Variants in SP3 observed in about 807,000 individuals in gnomAD.
SP3 encodes the protein Sp3 transcription factor, also known as transcription factor Sp3.
A neutral mutation model predicts 70.3 loss-of-function variants in SP3; 10 were observed. That is an observed-to-expected ratio of 0.14 (90% CI 0.09 to 0.24). The LOEUF is 0.24. Ranked by LOEUF, SP3 falls within the 10% of genes least tolerant of loss-of-function variation. The pLI is 1.00. For missense variants in SP3, 825 were observed against 914.6 expected (o/e 0.90, Z 1.26); for synonymous variants, 402 against 333.5 (o/e 1.21, Z -2.24).
intron 4 of SP3, among the ~76,000 whole-genome samples, chr2:173,951,165 G>C (rs574378240): frequency 6.6e-6 from 1 of 152,094 alleles, no homozygotes; most frequent in South Asian, 2.1e-4. Flanking sequence ...AAAGTTTCTA[G>C]ATTTATTTTC....
At position 173,918,685 on chromosome 2, in the gene SP3, C is replaced by A; in HGVS notation, c.1740G>T (p.Val580=). 1 of 1,613,828 alleles carries A rather than the reference C, an allele frequency of 6.2e-7. No homozygotes were observed. The highest frequency in any genetic ancestry group is 8.5e-7 in the Non-Finnish European group (1 of 1,179,840). ...TNDLTHLRVQ[V]VDEEGDQQHQ... is the part of the protein sequence containing the mutation. ...GTTGTTGGTCCCCTTCTTCATCTACCACCTGTACTCTTAAGTGTGTTAGGT... is the reference window on the plus strand; with the variant it reads ...GTTGTTGGTCCCCTTCTTCATCTACAACCTGTACTCTTAAGTGTGTTAGGT... The change falls in exon 5 of 7, where the codon GTG becomes GTT. Residue 580 remains valine (V), a synonymous_variant. Coordinates refer to ENST00000310015, the MANE Select transcript of SP3 (RefSeq NM_003111.5).
At position 173,955,456 on chromosome 2, in the gene SP3, G is replaced by T; in HGVS notation, c.1056C>A (p.Asn352Lys). 1 of 1,614,096 alleles carries T rather than the reference G, an allele frequency of 6.2e-7. No individual in the cohort carries two copies. Among genetic ancestry groups the T allele is most frequent in the Non-Finnish European group, 8.5e-7 (1 of 1,180,020 alleles). ...CACTAGATGTAGTCAAGCTATTTGT[G>T]TTTTGTTGTAATATACCTGTACTAT... The part of the protein sequence containing the change: ...TIDSTGILQQ[N>K]TNSLTTSSGQ... Residue 352 changes from asparagine to lysine, a missense_variant, in exon 4 of 7, where the codon AAC (asparagine) becomes AAA (lysine). Coordinates refer to ENST00000310015, the MANE Select transcript of SP3 (RefSeq NM_003111.5).
At chr2:173,938,489 A>G (rs1022524873) in intron 4 of SP3, among the ~76,000 whole-genome samples, 1 of 150,262 alleles carries the variant, frequency 6.7e-6, no homozygotes, top group Non-Finnish European at 1.5e-5. Context: ...AAAAGCAACC[A>G]AACAGGTAAA....
At position 173,907,226 on chromosome 2, in the gene SP3, A is replaced by T. The variant is rs1454877093; in HGVS notation, c.*2715T>A. ...ACAGGAATTATTTGTACATAAATAT[A>T]TTCAATATGCACTAACTCTAGCCTT... On this transcript the variant is annotated 3_prime_UTR_variant, in exon 7 of 7. Coordinates refer to ENST00000310015, the MANE Select transcript of SP3 (RefSeq NM_003111.5). 6.6e-6 allele frequency: 1 copy of T among 152,170 alleles called. No individual in the cohort carries two copies. The highest frequency in any genetic ancestry group is 1.5e-5 in the Non-Finnish European group (1 of 67,990). The allele number at this position is 152,170 out of a possible 1,614,324, so 9.4% of individuals were successfully genotyped here.
intron 4 of SP3, among the ~76,000 whole-genome samples, chr2:173,919,717 G>C (rs1689695842): frequency 6.6e-6 from 1 of 152,122 alleles, no homozygotes; most frequent in African/African-American, 2.4e-5. Context: ...CAGACTGTTG[G>C]CAAAGATGTG....
At chr2:173,962,990 A>C (rs1404950797) in intron 3 of SP3, 5 of 152,252 alleles carry the variant, frequency 3.3e-5, no homozygotes, top group Non-Finnish European at 2.9e-5. Flanking sequence ...CAGTCGTAAT[A>C]AAATGAAAAC....
intron 3 of SP3, among the ~76,000 whole-genome samples, chr2:173,959,702 C>T (rs948993311): frequency 9.2e-5 from 14 of 151,932 alleles, no homozygotes; most frequent in African/African-American, 3.4e-4. Flanking sequence ...TGCAGTGAGC[C>T]GAGATTCCGC....
intron 4 of SP3, among the ~76,000 whole-genome samples, chr2:173,945,861 T>C (rs536343294): frequency 2.0e-5 from 3 of 152,278 alleles, no homozygotes; most frequent in South Asian, 4.1e-4. Context: ...GCCTGGTGGC[T>C]CATGCCTTAA....
chr2:173,929,900 G>T (rs1336813280), intron 4 of SP3, among the ~76,000 whole-genome samples: 1 of 152,162 alleles, frequency 6.6e-6, no homozygotes, highest in Non-Finnish European at 1.5e-5. Context: ...GAAAAAATTA[G>T]AAGGCTTATC....
chr2:173,922,882 C>A lies in SP3; in HGVS notation c.1640-4097G>T, dbSNP rs187516210. On this transcript the variant is annotated intron_variant, in intron 4 of 6. Transcript: ENST00000310015. Reference sequence around the variant, plus strand: ...AGGTTAACTCTTTCCAAGGGTTTTGCTATAAAAGCAAGCATTATAAAATTG... The same window carrying A: ...AGGTTAACTCTTTCCAAGGGTTTTGATATAAAAGCAAGCATTATAAAATTG... Among the ~76,000 whole-genome samples, 214 of 151,998 alleles carry A rather than the reference C, an allele frequency of 1.4e-3. 1 individual carries two copies. Among genetic ancestry groups the A allele is most frequent in the South Asian group, 3.3e-3 (16 of 4,822 alleles).
At chr2:173,964,706 CT>C in intron 1 of SP3, 153 bp from the exon 2 acceptor site, 1 of 383,586 alleles carries the variant, frequency 2.6e-6, no homozygotes. Context: ...GCGGCGGCGG[CT>C]CCCTCCTCCC....
In SP3 at chr2:173,964,543, C is replaced by G. The variant is rs1175443203; in HGVS notation, c.18G>C (p.Lys6Asn). Residue 6 changes from lysine to asparagine, a missense_variant, in exon 2 of 7, where the codon AAG becomes AAC. By Grantham distance (94) the Lys-to-Asn change is moderately conservative (BLOSUM62 0). Transcript: ENST00000310015. The part of the protein sequence containing the change: MTAPE[K>N]PVKQEEMAAL... ...CAGCCATTTCCTCTTGTTTCACGGG[C>G]TTTTCGGGAGCTGCAGGCACAGCGC... 1 of 468,572 alleles carries G rather than the reference C, an allele frequency of 2.1e-6. No individual in the cohort carries two copies. The highest frequency in any genetic ancestry group is 4.3e-6 in the Non-Finnish European group (1 of 233,212). The allele number at this position is 468,572 out of a possible 1,614,324, so 29.0% of individuals were successfully genotyped here.
intron 4 of SP3, among the ~76,000 whole-genome samples, chr2:173,932,480 C>T (rs1430476037): frequency 2.0e-5 from 3 of 152,068 alleles, no homozygotes; most frequent in Middle Eastern, 3.2e-3. Context: ...AGTGAGCCAC[C>T]GTGCCTGGAA....
At chr2:173,924,184 T>C (rs1452479055) in intron 4 of SP3, among the ~76,000 whole-genome samples, 1 of 152,192 alleles carries the variant, frequency 6.6e-6, no homozygotes, top group Non-Finnish European at 1.5e-5. Flanking sequence ...ATTTGGATCA[T>C]TACTCTTCTA....
intron 1 of SP3, chr2:173,964,770 TTTCCCTCCTCCTCCTCC>T: frequency 2.4e-6 from 1 of 408,336 alleles, no homozygotes; most frequent in Non-Finnish European, 4.3e-6. Context: ...CCTCCTCCTC[TTTCCCTCCTCCTCCTCC>T]TCCCCGCGCT....
chr2:173,952,458 T>A (rs960628163), intron 4 of SP3, among the ~76,000 whole-genome samples: 1 of 152,072 alleles, frequency 6.6e-6, no homozygotes, highest in African/African-American at 2.4e-5. Flanking sequence ...TAGAGAGAAA[T>A]TGGGACTCTC....
intron 3 of SP3, among the ~76,000 whole-genome samples, chr2:173,961,959 T>TTTC (rs1691101316): frequency 6.6e-6 from 1 of 150,660 alleles, no homozygotes; most frequent in Non-Finnish European, 1.5e-5. Context: ...TTTTTTTTTT[T>TTTC]TAGGCAAAAC....
chr2:173,951,941 G>A (rs892222305), intron 4 of SP3, among the ~76,000 whole-genome samples: 2 of 152,140 alleles, frequency 1.3e-5, no homozygotes, highest in African/African-American at 4.8e-5. Flanking sequence ...AGCTTTGTTA[G>A]TATCACTATC....
chr2:173,959,124 GA>G (rs1462889234), intron 3 of SP3, among the ~76,000 whole-genome samples: 6 of 152,070 alleles, frequency 3.9e-5, no homozygotes, highest in Non-Finnish European at 7.4e-5. Flanking sequence ...AACAAATTTT[GA>G]GGTATTAAGA....
Sources: allele counts gnomAD v4.1 joint callset (sites outside exome capture counted in the v4.1 genomes callset), GRCh38; gene constraint gnomAD v4.1.1; transcripts MANE v1.5; gene names NCBI Gene and HGNC (gene_info 2026-07-23, HGNC 2026-07-21).